The following STOX2 variants were observed in gnomAD, a reference collection of about 807,000 sequenced individuals.
The protein encoded by STOX2 is storkhead-box protein 2.
STOX2 carries 28 observed loss-of-function variants against 60.9 expected under a neutral mutation model. The ratio of observed to expected loss-of-function variants is 0.46; its 90% CI spans 0.34 to 0.63. The LOEUF is 0.63. STOX2 is among the 30% of genes least tolerant of loss of function. The pLI is 0.01. For missense variants in STOX2, 1,024 were observed against 1,187.7 expected, an observed-to-expected ratio of 0.86 and a Z score of 2.03; for synonymous variants, 472 against 463.9, an observed-to-expected ratio of 1.02 and a Z score of -0.22.
chr4:184,003,077 A>T (rs1047869908), intron 2 of STOX2, among the ~76,000 whole-genome samples: 1 of 152,254 alleles, frequency 6.6e-6, no homozygotes, highest in African/African-American at 2.4e-5. Flanking sequence ...AGAGAAACAG[A>T]ATCCCAGGTG....
At chr4:183,861,357 A>T (rs1010578787) in intron 1 of STOX2, among the ~76,000 whole-genome samples, 1 of 152,108 alleles carries the variant, frequency 6.6e-6, no homozygotes, top group African/African-American at 2.4e-5. Flanking sequence ...TTGTCTGGCC[A>T]TTGCTGCTGT....
chr4:183,898,524 T>C (rs1456938105), intron 1 of STOX2, among the ~76,000 whole-genome samples: 1 of 151,896 alleles, frequency 6.6e-6, no homozygotes, highest in African/African-American at 2.4e-5. Context: ...GAGGCCTGGG[T>C]TGGTGAGAGT....
At chr4:183,864,431 G>C (rs1374062915) in intron 1 of STOX2, among the ~76,000 whole-genome samples, 1 of 152,132 alleles carries the variant, frequency 6.6e-6, no homozygotes, top group Admixed American at 6.5e-5. Context: ...GTCTTACTCT[G>C]TCACCAGGCT....
Position 183,905,363 on chromosome 4 carries a change from A to G in STOX2, c.-1428A>G, listed in dbSNP as rs980981955. 2.0e-5 allele frequency: 3 copies of G among 152,434 alleles called. No individual in the cohort carries two copies. Among genetic ancestry groups the G allele is most frequent in the African/African-American group, 4.8e-5 (2 of 41,484 alleles). 9.4% of individuals were successfully genotyped at this position (152,434 alleles called of 1,614,324 possible). On this transcript the variant is annotated 5_prime_UTR_variant, in exon 1 of 4. Coordinates refer to ENST00000308497, the MANE Select transcript of STOX2 (RefSeq NM_020225.3). ...AGAGCTGTGGACCTGAATGCAGCGT[A>G]GCGGGCTGGCGGTGACTTACACCGG...
intron 1 of STOX2, among the ~76,000 whole-genome samples, chr4:183,955,458 A>T (rs1401122736): frequency 6.6e-6 from 1 of 152,234 alleles, no homozygotes; most frequent in African/African-American, 2.4e-5. Flanking sequence ...CAAGTACTCT[A>T]GTATCTCAGG....
Position 183,977,436 on chromosome 4 carries a change from C to T in STOX2, c.167-23889C>T, listed in dbSNP as rs1363522035. 2.6e-5 allele frequency among the ~76,000 whole-genome samples: 4 copies of T among 151,982 alleles called. No individual in the cohort carries two copies. The South Asian group carries it at 6.2e-4, about 24-fold the overall frequency. On this transcript the variant is annotated intron_variant, in intron 1 of 3. Coordinates refer to ENST00000308497, the MANE Select transcript of STOX2 (RefSeq NM_020225.3). ...ACTGTACTATAAATACAGTTTTTGC[C>T]TTACTAGTAATTTCACTTAGGATAA...
intron 1 of STOX2, among the ~76,000 whole-genome samples, chr4:183,893,923 A>G (rs1331320614): frequency 6.6e-6 from 1 of 152,234 alleles, no homozygotes; most frequent in Non-Finnish European, 1.5e-5. Context: ...AGGCCAAGTC[A>G]GGTGGATCCC....
At chr4:184,013,352 A>C (rs964513928) in intron 3 of STOX2, among the ~76,000 whole-genome samples, 1 of 152,218 alleles carries the variant, frequency 6.6e-6, no homozygotes, top group Admixed American at 6.5e-5. Context: ...TATGACTGGG[A>C]TTATTTCTTG....
At chr4:183,936,049 A>G (rs1159205188) in intron 1 of STOX2, among the ~76,000 whole-genome samples, 2 of 152,276 alleles carry the variant, frequency 1.3e-5, no homozygotes, top group East Asian at 1.9e-4. Flanking sequence ...AAATGACAAA[A>G]GAAATGCTTT....
rs547671873 is a variant in STOX2, at chr4:183,820,290, T to C, written c.364+22235T>C. On this transcript the variant is annotated intron_variant, in intron 1 of 2. Transcript: ENST00000513034. ...ATGAGGCTCATAACCTGTTTGTGCA[T>C]GTGTGTCTCTGGTTTTCACATCTTG... Among the ~76,000 whole-genome samples the C allele has an allele frequency of 3.9e-5, 6 of 152,316 alleles. No individual in the cohort carries two copies. In the South Asian group the frequency reaches 1.2e-3, roughly 32 times the overall value.
rs1364559269 is a variant in STOX2, at chr4:183,825,699, A to G, written c.364+27644A>G. Among the ~76,000 whole-genome samples the G allele has an allele frequency of 6.6e-6, 1 of 151,838 alleles. No homozygotes were observed. Among genetic ancestry groups the G allele is most frequent in the Non-Finnish European group, 1.5e-5 (1 of 68,020 alleles). On this transcript the variant is annotated intron_variant, in intron 1 of 2. Coordinates refer to the STOX2 transcript ENST00000513034. The surrounding 1 kb of genome is among the most constrained non-coding windows in gnomAD (Gnocchi z 4.1). The stretch of plus-strand genomic sequence containing the variant: ...AGGATAGCTTGACAGGACAGGGGCA[A>G]CCTAGACCTAGTGGAGCAGGAGTCA...
chr4:183,895,946 GAA>G (rs1165382543), intron 1 of STOX2, among the ~76,000 whole-genome samples: 2 of 152,172 alleles, frequency 1.3e-5, no homozygotes, highest in Non-Finnish European at 1.5e-5. Context: ...GGAGAAGATG[GAA>G]AGTCTTTCAG....
chr4:183,840,419 CA>C (rs1739829723), intron 1 of STOX2, among the ~76,000 whole-genome samples: 1 of 152,150 alleles, frequency 6.6e-6, no homozygotes. Flanking sequence ...GGTTGGCCAC[CA>C]GGGGGCAAGC....
intron 1 of STOX2, among the ~76,000 whole-genome samples, chr4:183,882,239 G>T (rs776209201): frequency 6.6e-6 from 1 of 152,154 alleles, no homozygotes; most frequent in Non-Finnish European, 1.5e-5. Context: ...CCATTCCCTT[G>T]ATCCCAGTTA....
chr4:183,966,395 G>A (rs1178635838), intron 1 of STOX2, among the ~76,000 whole-genome samples: 2 of 152,240 alleles, frequency 1.3e-5, no homozygotes, highest in Admixed American at 6.5e-5. Context: ...AGATGGAGAA[G>A]TCAACTGTTT....
rs996921139 is a variant in STOX2 at position 183,874,175 on chromosome 4, A to G, written c.364+76120A>G. On this transcript the variant is annotated intron_variant, in intron 1 of 2. Coordinates refer to the STOX2 transcript ENST00000513034. ...AGAAACAGATTGCAGAGACTTGGAG[A>G]AAAAAAAATGTCACGGATGTGTCCA... is the stretch of plus-strand genomic sequence containing the variant. Among the ~76,000 whole-genome samples, 25 of 151,580 alleles carry G rather than the reference A, an allele frequency of 1.6e-4. 1 individual carries two copies. The highest frequency in any genetic ancestry group is 6.8e-3 in the Middle Eastern group (2 of 292).
intron 1 of STOX2, among the ~76,000 whole-genome samples, chr4:183,942,336 GT>G (rs11295405): frequency 0.32 from 42,247 of 130,464 alleles, 6,776 homozygotes; most frequent in East Asian, 0.46. Context: ...AGGCTTCTAG[GT>G]TTTTTTTTTT....
rs1734656424 is a variant in STOX2, at chr4:184,023,216, G to C, written c.*5932G>C. ...AAAGGTCATCCAAGATGGATGTTCTGTTTATATTGTATAGTATTTCATATG... is the reference window on the plus strand; with the variant it reads ...AAAGGTCATCCAAGATGGATGTTCTCTTTATATTGTATAGTATTTCATATG... On this transcript the variant is annotated 3_prime_UTR_variant, in exon 4 of 4. Coordinates refer to ENST00000308497, the MANE Select transcript of STOX2 (RefSeq NM_020225.3). The C allele has an allele frequency of 6.6e-6, 1 of 152,138 alleles. No homozygotes were observed. The highest frequency in any genetic ancestry group is 1.5e-5 in the Non-Finnish European group (1 of 68,022). The allele number at this position is 152,138 out of a possible 1,614,324, so 9.4% of individuals were successfully genotyped here.
chr4:183,968,467 T>C (rs1328338782), intron 1 of STOX2, among the ~76,000 whole-genome samples: 3 of 152,180 alleles, frequency 2.0e-5, no homozygotes, highest in Non-Finnish European at 4.4e-5. Flanking sequence ...TTTTCTTCTT[T>C]TCATTGTGGA....
Sources: gnomAD v4.1 joint callset for allele counts (sites outside exome capture counted in the v4.1 genomes callset) on GRCh38, gnomAD v4.1.1 for gene constraint, Gnocchi (gnomAD v3.1) non-coding constraint, MANE v1.5 for transcripts, NCBI Gene and HGNC (gene_info 2026-07-23, HGNC 2026-07-21) for gene names.